RGS17: variants seen among roughly 807,000 people sequenced by gnomAD.
The protein encoded by RGS17 is regulator of G protein signaling 17, also known as regulator of G-protein signaling 17.
A neutral mutation model predicts 25.5 loss-of-function variants in RGS17; 12 were observed. That is an observed-to-expected ratio of 0.47 (90% confidence interval 0.30 to 0.76). RGS17 has a LOEUF of 0.76. RGS17 is among the 30% of genes least tolerant of loss of function. RGS17 has a pLI of 0.07. For missense variants in RGS17, 196 were observed against 242.2 expected (o/e 0.81, Z 1.27); for synonymous variants, 71 against 76.9 (o/e 0.92, Z 0.40).
intron 1 of RGS17, among the ~76,000 whole-genome samples, chr6:153,115,495 C>T (rs1777531012): frequency 1.3e-5 from 2 of 152,202 alleles, no homozygotes; most frequent in African/African-American, 4.8e-5. Flanking sequence ...AACAGCCATA[C>T]TGCCCAAAGT....
chr6:153,116,456 C>T (rs952775624), intron 1 of RGS17, among the ~76,000 whole-genome samples: 2 of 152,092 alleles, frequency 1.3e-5, no homozygotes, highest in Non-Finnish European at 2.9e-5. Context: ...GAAATAGGAA[C>T]GCTTTTACAC....
chr6:153,040,773 T>C (rs895457815), intron 2 of RGS17, among the ~76,000 whole-genome samples: 3 of 151,968 alleles, frequency 2.0e-5, no homozygotes, highest in African/African-American at 7.2e-5. Context: ...TAAAAACATA[T>C]GGGTAAAGGA....
intron 2 of RGS17, among the ~76,000 whole-genome samples, chr6:153,037,181 CACACACACACACACACACAG>C (rs1439532751): frequency 9.3e-6 from 1 of 107,048 alleles, no homozygotes; most frequent in Non-Finnish European, 2.0e-5. Context: ...AACACACACA[CACACACACACACACACACAG>C]ACACACACAC....
chr6:153,056,838 C>CTG (rs59058708), intron 1 of RGS17, among the ~76,000 whole-genome samples: 5,783 of 144,336 alleles, frequency 0.04, 120 homozygotes, highest in African/African-American at 0.063. Flanking sequence ...AGAGGAAGGG[C>CTG]TGTGTGTGTG....
intron 1 of RGS17, among the ~76,000 whole-genome samples, chr6:153,100,572 G>T (rs935554211): frequency 3.3e-5 from 5 of 152,086 alleles, no homozygotes; most frequent in Admixed American, 1.3e-4. Flanking sequence ...AAGAAAAAAA[G>T]GAAATAGTTT....
At chr6:153,031,762 G>C (rs1281993797) in intron 2 of RGS17, among the ~76,000 whole-genome samples, 1 of 152,188 alleles carries the variant, frequency 6.6e-6, no homozygotes, top group Non-Finnish European at 1.5e-5. Flanking sequence ...AGTACATTGA[G>C]TATAAATGCC....
At chr6:153,108,024 A>G (rs903851980) in intron 1 of RGS17, among the ~76,000 whole-genome samples, 4 of 152,176 alleles carry the variant, frequency 2.6e-5, no homozygotes, top group African/African-American at 4.8e-5. Context: ...TGCTTCTCCT[A>G]TGATATGATT....
chr6:153,073,415 A>G (rs554547024), intron 1 of RGS17, among the ~76,000 whole-genome samples: 1 of 152,260 alleles, frequency 6.6e-6, no homozygotes, highest in African/African-American at 2.4e-5. Flanking sequence ...AGGATACTCT[A>G]TCAAAGAAGG....
intron 1 of RGS17, among the ~76,000 whole-genome samples, chr6:153,064,548 T>G (rs1024789343): frequency 1.3e-5 from 2 of 151,582 alleles, no homozygotes; most frequent in African/African-American, 2.4e-5. Context: ...GAGAATAGTG[T>G]GAACTCAGGA....
intron 1 of RGS17, among the ~76,000 whole-genome samples, chr6:153,071,647 T>G (rs572867188): frequency 2.2e-4 from 33 of 152,300 alleles, no homozygotes; most frequent in Non-Finnish European, 4.0e-4. Flanking sequence ...TTCTAAATGC[T>G]TGTTCTCAAT....
intron 4 of RGS17, among the ~76,000 whole-genome samples, chr6:153,020,176 C>G: frequency 1.1e-5 from 1 of 92,278 alleles, no homozygotes; most frequent in South Asian, 4.0e-4. Context: ...TTTTTTGAGA[C>G]AGAGTCTCGC....
chr6:153,046,144 G>T (rs1776381594), intron 1 of RGS17, among the ~76,000 whole-genome samples: 1 of 152,054 alleles, frequency 6.6e-6, no homozygotes, highest in Non-Finnish European at 1.5e-5. Flanking sequence ...AAAAAACATT[G>T]ATTTCATAGA....
intron 1 of RGS17, among the ~76,000 whole-genome samples, chr6:153,127,140 A>G (rs974727033): frequency 4.6e-5 from 7 of 152,286 alleles, no homozygotes; most frequent in African/African-American, 7.2e-5. Context: ...TCACGCTCCT[A>G]TGAGAATCTA....
chr6:153,071,704 G>C (rs577056309), intron 1 of RGS17, among the ~76,000 whole-genome samples: 2 of 152,198 alleles, frequency 1.3e-5, no homozygotes, highest in South Asian at 4.1e-4. Context: ...AATAACAACT[G>C]TTTTGCAAAT....
At chr6:153,045,928 T>C (rs1584132137) in intron 1 of RGS17, among the ~76,000 whole-genome samples, 2 of 152,092 alleles carry the variant, frequency 1.3e-5, no homozygotes, top group African/African-American at 4.8e-5. Context: ...AGCCAAGATA[T>C]GGAATCAACC....
intron 1 of RGS17, among the ~76,000 whole-genome samples, chr6:153,076,861 A>G (rs1214536766): frequency 6.6e-6 from 1 of 152,224 alleles, no homozygotes; most frequent in Non-Finnish European, 1.5e-5. Flanking sequence ...ATTTTTCACC[A>G]ATAAAATAAT....
intron 1 of RGS17, among the ~76,000 whole-genome samples, chr6:153,083,728 G>A (rs144815671): frequency 6.6e-6 from 1 of 152,246 alleles, no homozygotes; most frequent in East Asian, 1.9e-4. Context: ...TTTAAACAGA[G>A]GAGCCTTATT....
At chr6:153,062,082 T>A (rs1275680121) in intron 1 of RGS17, among the ~76,000 whole-genome samples, 1 of 151,988 alleles carries the variant, frequency 6.6e-6, no homozygotes, top group Non-Finnish European at 1.5e-5. Flanking sequence ...AGATGGCAGA[T>A]CCCCGTGCCT....
chr6:153,119,540 A>C (rs1186215479), intron 1 of RGS17, among the ~76,000 whole-genome samples: 1 of 152,130 alleles, frequency 6.6e-6, no homozygotes, highest in Non-Finnish European at 1.5e-5. Context: ...AAATACAAAA[A>C]AAATTAGCTG....
Sources: gnomAD v4.1 joint callset for allele counts (sites outside exome capture counted in the v4.1 genomes callset) on GRCh38, gnomAD v4.1.1 for gene constraint, MANE v1.5 for transcripts, NCBI Gene and HGNC (gene_info 2026-07-23, HGNC 2026-07-21) for gene names.